The following FGF12 variants were observed in gnomAD, a reference collection of about 807,000 sequenced individuals.
The protein encoded by FGF12 is fibroblast growth factor 12, also known as fibroblast growth factor 12B.
In FGF12, 14 loss-of-function variants were observed where a neutral mutation model predicts 23.6. That is an observed-to-expected ratio of 0.59 (90% CI 0.39 to 0.93). The LOEUF (loss-of-function observed/expected upper bound fraction) is 0.93, where lower values mean the gene tolerates loss of function less well. FGF12 is among the 40% of genes least tolerant of loss of function. The pLI is 0.00. For synonymous variants in FGF12, 62 were observed against 77.3 expected, an observed-to-expected ratio of 0.80 and a Z score of 1.04; for missense variants, 175 against 217.8, an observed-to-expected ratio of 0.80 and a Z score of 1.24.
intron 2 of FGF12, among the ~76,000 whole-genome samples, chr3:192,513,073 C>T (rs1724541724): frequency 6.6e-6 from 1 of 151,632 alleles, no homozygotes; most frequent in Admixed American, 6.6e-5. Context: ...CCTAATTTGA[C>T]ATGAGAGACT....
intron 2 of FGF12, among the ~76,000 whole-genome samples, chr3:192,555,237 A>C (rs1057484876): frequency 6.6e-6 from 1 of 152,210 alleles, no homozygotes; most frequent in Non-Finnish European, 1.5e-5. Context: ...ATAACAAGCC[A>C]CATTGTAATC....
chr3:192,396,585 G>A (rs1164674857), intron 2 of FGF12, among the ~76,000 whole-genome samples: 1 of 152,154 alleles, frequency 6.6e-6, no homozygotes, highest in Non-Finnish European at 1.5e-5. Context: ...GAGGTGGGCA[G>A]GTGTATTGTA....
intron 2 of FGF12, among the ~76,000 whole-genome samples, chr3:192,572,479 G>A (rs1712686399): frequency 6.6e-6 from 1 of 152,058 alleles, no homozygotes; most frequent in African/African-American, 2.4e-5. Context: ...ACACAATAAG[G>A]AAAAATGTGC....
At chr3:192,345,987 A>G (rs928653867) in intron 3 of FGF12, among the ~76,000 whole-genome samples, 1 of 152,134 alleles carries the variant, frequency 6.6e-6, no homozygotes, top group Non-Finnish European at 1.5e-5. Flanking sequence ...AAAAATATTA[A>G]GTGGATCTAT....
At position 192,139,877 on chromosome 3, in the gene FGF12, C is replaced by A. The variant is rs1713273435; in HGVS notation, c.*4132G>T. 1 of 151,884 alleles carries A rather than the reference C, an allele frequency of 6.6e-6. No individual in the cohort carries two copies. Among genetic ancestry groups the A allele is most frequent in the Non-Finnish European group, 1.5e-5 (1 of 67,896 alleles). 9.4% of individuals were successfully genotyped at this position (151,884 alleles called of 1,614,324 possible). On this transcript the variant is annotated 3_prime_UTR_variant, in exon 6 of 6. Coordinates refer to ENST00000445105, the MANE Select transcript of FGF12 (RefSeq NM_004113.6). ...TAGCATCCTTTTCCTATTCTTTCAC[C>A]ACAAATTCTCAATTTGATATGACTT... is the stretch of plus-strand genomic sequence containing the variant.
chr3:192,461,085 A>G (rs1435634646), intron 2 of FGF12, among the ~76,000 whole-genome samples: 1 of 152,242 alleles, frequency 6.6e-6, no homozygotes, highest in African/African-American at 2.4e-5. Flanking sequence ...CCTATATAAC[A>G]TACAGGACAC....
At chr3:192,587,807 G>A (rs1713434073) in intron 2 of FGF12, among the ~76,000 whole-genome samples, 1 of 151,846 alleles carries the variant, frequency 6.6e-6, no homozygotes. Context: ...GTGACACAGG[G>A]AGACCCTCTT....
At chr3:192,374,317 T>G (rs1028664431) in intron 2 of FGF12, among the ~76,000 whole-genome samples, 1 of 152,344 alleles carries the variant, frequency 6.6e-6, no homozygotes, top group African/African-American at 2.4e-5. Context: ...ATTCTTTCCA[T>G]GGATCACCTG....
At chr3:192,416,061 T>C (rs565195140) in intron 2 of FGF12, among the ~76,000 whole-genome samples, 1 of 152,134 alleles carries the variant, frequency 6.6e-6, no homozygotes, top group Non-Finnish European at 1.5e-5. Context: ...ACACTCAAAA[T>C]ATACTATTAA....
chr3:192,305,900 G>T (rs373056642), intron 4 of FGF12, among the ~76,000 whole-genome samples: 3,437 of 112,824 alleles, frequency 0.03, 112 homozygotes, highest in South Asian at 0.17. Context: ...TCACTCTGTC[G>T]CCCAGGCTGG....
At chr3:192,555,904 G>A (rs1303113312) in intron 2 of FGF12, among the ~76,000 whole-genome samples, 3 of 152,064 alleles carry the variant, frequency 2.0e-5, no homozygotes, top group African/African-American at 7.2e-5. Context: ...GACGTAAAGG[G>A]CAGTTTTTGT....
chr3:192,343,936 C>A (rs1717823194), intron 3 of FGF12, among the ~76,000 whole-genome samples: 1 of 152,094 alleles, frequency 6.6e-6, no homozygotes, highest in Admixed American at 6.6e-5. Flanking sequence ...ATGTAACTTG[C>A]CGTATTCTTT....
At chr3:192,705,606 A>G (rs539599103) in intron 2 of FGF12, among the ~76,000 whole-genome samples, 1 of 152,364 alleles carries the variant, frequency 6.6e-6, no homozygotes, top group East Asian at 1.9e-4. Flanking sequence ...AATTACAATA[A>G]TAGCATCAAA....
intron 2 of FGF12, among the ~76,000 whole-genome samples, chr3:192,443,405 T>C (rs894530138): frequency 2.0e-5 from 3 of 152,202 alleles, no homozygotes; most frequent in Non-Finnish European, 4.4e-5. Context: ...ATATAGAAGA[T>C]AGATATTTTA....
At chr3:192,645,266 G>A (rs1237455279) in intron 2 of FGF12, among the ~76,000 whole-genome samples, 1 of 152,084 alleles carries the variant, frequency 6.6e-6, no homozygotes, top group African/African-American at 2.4e-5. Context: ...CTTGGGTGGG[G>A]TGAGGCAAGT....
intron 2 of FGF12, among the ~76,000 whole-genome samples, chr3:192,368,230 G>A (rs1326892892): frequency 1.3e-5 from 2 of 152,166 alleles, no homozygotes; most frequent in East Asian, 3.8e-4. Flanking sequence ...GAACATAGAT[G>A]TGAAGCTGGA....
intron 4 of FGF12, among the ~76,000 whole-genome samples, chr3:192,256,373 GCA>G (rs35813494): frequency 0.48 from 71,820 of 150,224 alleles, 18,328 homozygotes; most frequent in East Asian, 0.98. Context: ...TACTCATACC[GCA>G]CACACACACA....
chr3:192,282,304 C>T (rs901721251), intron 4 of FGF12, among the ~76,000 whole-genome samples: 10 of 152,000 alleles, frequency 6.6e-5, no homozygotes, highest in African/African-American at 9.7e-5. Context: ...ATGAACTTGG[C>T]TGAATGAATG....
At chr3:192,681,767 A>C (rs56403900) in intron 2 of FGF12, among the ~76,000 whole-genome samples, 1 of 151,482 alleles carries the variant, frequency 6.6e-6, no homozygotes, top group African/African-American at 2.4e-5. Context: ...ATGTATGCTC[A>C]TCACCCAGAT....
Sources: gnomAD v4.1 joint callset for allele counts (sites outside exome capture counted in the v4.1 genomes callset) on GRCh38, gnomAD v4.1.1 for gene constraint, MANE v1.5 for transcripts, NCBI Gene and HGNC (gene_info 2026-07-23, HGNC 2026-07-21) for gene names.